The following COMMD10 variants were observed in gnomAD, a reference collection of about 807,000 sequenced individuals.
COMMD10 encodes COMM domain containing 10.
In COMMD10, 33 loss-of-function variants were observed where a neutral mutation model predicts 28.9. The observed-to-expected ratio is 1.14, with a 90% CI of 0.87 to 1.53. COMMD10 has a LOEUF of 1.53. Ranked by LOEUF, COMMD10 falls within the 40% of genes most tolerant of loss-of-function variation. The pLI is 0.00. For missense variants in COMMD10, 310 were observed against 233.4 expected (o/e 1.33, Z -2.14); for synonymous variants, 110 against 81.7 (o/e 1.35, Z -1.87).
chr5:116,120,069 A>G (rs571543642), intron 4 of COMMD10, among the ~76,000 whole-genome samples: 1 of 152,252 alleles, frequency 6.6e-6, no homozygotes, highest in Admixed American at 6.5e-5. Context: ...TTATAGCGGC[A>G]CAATTTGCAA....
chr5:116,287,806 A>T (rs181014607), intron 5 of COMMD10, among the ~76,000 whole-genome samples: 2 of 151,740 alleles, frequency 1.3e-5, no homozygotes, highest in Middle Eastern at 3.2e-3. Flanking sequence ...TTTCAAACTG[A>T]TAACAACCTA....
chr5:116,181,671 G>C (rs1200554282), intron 5 of COMMD10, among the ~76,000 whole-genome samples: 2 of 151,870 alleles, frequency 1.3e-5, no homozygotes, highest in Non-Finnish European at 2.9e-5. Context: ...ACCATACTTT[G>C]AGAATCATTG....
intron 5 of COMMD10, among the ~76,000 whole-genome samples, chr5:116,162,352 G>T (rs549628983): frequency 1.3e-5 from 2 of 151,808 alleles, no homozygotes; most frequent in African/African-American, 4.8e-5. Flanking sequence ...TAGTTTCATT[G>T]ACCTATTTAA....
intron 5 of COMMD10, among the ~76,000 whole-genome samples, chr5:116,178,191 T>C (rs1217757280): frequency 6.6e-6 from 1 of 151,938 alleles, no homozygotes. Flanking sequence ...AATGATGGAG[T>C]TGAGATAGAA....
At chr5:116,248,373 A>AAG (rs5870694) in intron 5 of COMMD10, among the ~76,000 whole-genome samples, 59,127 of 151,588 alleles carry the variant, frequency 0.39, 14,087 homozygotes, top group Non-Finnish European at 0.52. Flanking sequence ...GTATAATATT[A>AAG]AGAGTTAGGC....
At chr5:116,203,048 T>C (rs1050732765) in intron 5 of COMMD10, among the ~76,000 whole-genome samples, 39 of 152,030 alleles carry the variant, frequency 2.6e-4, no homozygotes, top group African/African-American at 8.5e-4. Context: ...GAATCCATCT[T>C]GAATTGATTT....
intron 5 of COMMD10, among the ~76,000 whole-genome samples, chr5:116,163,610 A>G (rs896504950): frequency 2.0e-5 from 3 of 151,994 alleles, no homozygotes; most frequent in African/African-American, 7.2e-5. Context: ...AAAATAAAAT[A>G]AAATAAACCA....
At chr5:116,207,612 G>A (rs919758926) in intron 5 of COMMD10, among the ~76,000 whole-genome samples, 12 of 151,930 alleles carry the variant, frequency 7.9e-5, no homozygotes, top group South Asian at 6.2e-4. Context: ...TGCAGCCTCC[G>A]CCTCCTGGGT....
chr5:116,289,917 C>G (rs1005313275), intron 5 of COMMD10, among the ~76,000 whole-genome samples: 6 of 151,888 alleles, frequency 4.0e-5, no homozygotes. Flanking sequence ...TAGTCTACCC[C>G]TATAGCTATT....
intron 5 of COMMD10, among the ~76,000 whole-genome samples, chr5:116,259,062 A>AT (rs36082006): frequency 0.07 from 8,652 of 123,608 alleles, 614 homozygotes; most frequent in African/African-American, 0.17. Flanking sequence ...ACGTCCTTTA[A>AT]TTTTTTTTTT....
At chr5:116,175,946 T>A (rs1753495082) in intron 5 of COMMD10, among the ~76,000 whole-genome samples, 1 of 151,944 alleles carries the variant, frequency 6.6e-6, no homozygotes, top group African/African-American at 2.4e-5. Context: ...TGGAGATGGA[T>A]GGTGGTGATG....
chr5:116,109,060 G>C (rs1436100778), intron 4 of COMMD10, among the ~76,000 whole-genome samples: 6 of 152,176 alleles, frequency 3.9e-5, no homozygotes, highest in African/African-American at 1.4e-4. Flanking sequence ...GATGAACTGG[G>C]TACCTCAGTT....
intron 5 of COMMD10, chr5:116,218,195 G>T: frequency 1.3e-6 from 1 of 788,076 alleles, no homozygotes; most frequent in Non-Finnish European, 2.3e-6. Flanking sequence ...TGGCTTTGGA[G>T]AAGCAGGTTT....
chr5:116,117,654 T>A (rs1039597056), intron 4 of COMMD10, among the ~76,000 whole-genome samples: 3 of 151,850 alleles, frequency 2.0e-5, no homozygotes, highest in Non-Finnish European at 4.4e-5. Flanking sequence ...TTAGTAGAGG[T>A]GGGGTTTCAC....
chr5:116,127,118 T>C (rs889826557), intron 4 of COMMD10, among the ~76,000 whole-genome samples: 6 of 152,088 alleles, frequency 3.9e-5, no homozygotes, highest in Admixed American at 3.9e-4. Context: ...GGGCAAAGGA[T>C]ATGAACAGAC....
chr5:116,137,781 G>A (rs1337152858), intron 5 of COMMD10, among the ~76,000 whole-genome samples: 2 of 151,876 alleles, frequency 1.3e-5, no homozygotes, highest in Non-Finnish European at 2.9e-5. Context: ...CTTCTGTCTC[G>A]AGGCTTTCCT....
At chr5:116,280,317 G>A (rs17139366) in intron 5 of COMMD10, among the ~76,000 whole-genome samples, 1 of 151,784 alleles carries the variant, frequency 6.6e-6, no homozygotes, top group Non-Finnish European at 1.5e-5. Context: ...ACTCTGCCTA[G>A]GATGCTTTGC....
intron 5 of COMMD10, among the ~76,000 whole-genome samples, chr5:116,162,038 A>G (rs1242889202): frequency 6.6e-6 from 1 of 152,166 alleles, no homozygotes; most frequent in African/African-American, 2.4e-5. Context: ...TATTTTCGCC[A>G]CTTTTTGACT....
chr5:116,123,076 C>A (rs937307968), intron 4 of COMMD10, among the ~76,000 whole-genome samples: 1 of 152,126 alleles, frequency 6.6e-6, no homozygotes, highest in African/African-American at 2.4e-5. Flanking sequence ...GGGAATGCTT[C>A]TAGTTTTTGC....
Sources: gnomAD v4.1 joint callset for allele counts (sites outside exome capture counted in the v4.1 genomes callset) on GRCh38, gnomAD v4.1.1 for gene constraint, MANE v1.5 for transcripts, NCBI Gene and HGNC (gene_info 2026-07-23, HGNC 2026-07-21) for gene names.